Variants in EDN1 observed in about 807,000 individuals in gnomAD.
EDN1 encodes the protein endothelin-1.
A neutral mutation model predicts 21.7 loss-of-function variants in EDN1; 11 were observed. The observed-to-expected ratio is 0.51, with a 90% CI of 0.32 to 0.84. The LOEUF (loss-of-function observed/expected upper bound fraction) is 0.84, where lower values mean the gene tolerates loss of function less well. EDN1 is among the 40% of genes least tolerant of loss of function. The pLI is 0.03. For missense variants in EDN1, 244 were observed against 262.3 expected, an observed-to-expected ratio of 0.93 and a Z score of 0.48; for synonymous variants, 85 against 90.6, an observed-to-expected ratio of 0.94 and a Z score of 0.35.
At chr6:12,252,567 C>T in the EDN1 span, among the ~76,000 whole-genome samples, 1 of 152,176 alleles carries the variant, frequency 6.6e-6, no homozygotes, top group Non-Finnish European at 1.5e-5. Flanking sequence ...GGTGAAGCAT[C>T]CTGCATGTTC....
the EDN1 span, among the ~76,000 whole-genome samples, chr6:12,258,000 G>A: frequency 1.3e-5 from 2 of 152,132 alleles, no homozygotes; most frequent in East Asian, 3.9e-4. Flanking sequence ...TGACATATTT[G>A]CACATGAGGA....
At chr6:12,232,525 G>A in the EDN1 span, among the ~76,000 whole-genome samples, 1 of 152,076 alleles carries the variant, frequency 6.6e-6, no homozygotes, top group Admixed American at 6.6e-5. Flanking sequence ...GTGGAATGTA[G>A]CAATCTTGTA....
the EDN1 span, among the ~76,000 whole-genome samples, chr6:12,251,776 A>T: frequency 6.6e-6 from 1 of 152,144 alleles, no homozygotes; most frequent in African/African-American, 2.4e-5. Flanking sequence ...AAATTTGCAC[A>T]TGGGACCTAT....
At chr6:12,247,523 T>A in the EDN1 span, among the ~76,000 whole-genome samples, 2 of 138,606 alleles carry the variant, frequency 1.4e-5, no homozygotes, top group African/African-American at 6.0e-5. Flanking sequence ...TTTCTTTTTT[T>A]TTTTCTTTCT....
chr6:12,236,770 T>TA, the EDN1 span, among the ~76,000 whole-genome samples: 1 of 148,948 alleles, frequency 6.7e-6, no homozygotes, highest in South Asian at 2.1e-4. Context: ...CAATATTTCT[T>TA]TTTTTTTTTT....
At chr6:12,256,641 G>A in the EDN1 span, among the ~76,000 whole-genome samples, 4 of 152,098 alleles carry the variant, frequency 2.6e-5, no homozygotes, top group South Asian at 2.1e-4. Flanking sequence ...ATGAGCTCCC[G>A]CATGCACCAA....
chr6:12,271,505 C>T, the EDN1 span, among the ~76,000 whole-genome samples: 4 of 152,128 alleles, frequency 2.6e-5, no homozygotes, highest in Non-Finnish European at 5.9e-5. Context: ...GCTTAATTTA[C>T]ATCTTTTTAT....
chr6:12,265,870 C>A, the EDN1 span, among the ~76,000 whole-genome samples: 1 of 152,100 alleles, frequency 6.6e-6, no homozygotes, highest in Non-Finnish European at 1.5e-5. Flanking sequence ...GGAACAGAAA[C>A]AAAAGTATAC....
the EDN1 span, among the ~76,000 whole-genome samples, chr6:12,242,520 AC>A: frequency 7.4e-4 from 113 of 152,258 alleles, no homozygotes; most frequent in Non-Finnish European, 9.4e-4. Flanking sequence ...CTCTATATGG[AC>A]CTACCTTATA....
At chr6:12,292,794 A>C (rs1364355749) in intron 2 of EDN1, among the ~76,000 whole-genome samples, 1 of 152,194 alleles carries the variant, frequency 6.6e-6, no homozygotes, top group Admixed American at 6.5e-5. Flanking sequence ...AGAGGGCCTC[A>C]GGGGGACACT....
the EDN1 span, among the ~76,000 whole-genome samples, chr6:12,256,865 T>G: frequency 7.2e-5 from 11 of 152,366 alleles, no homozygotes; most frequent in Admixed American, 2.0e-4. Context: ...TAATGAACTT[T>G]ACTTAAGCTG....
the EDN1 span, among the ~76,000 whole-genome samples, chr6:12,265,748 A>T: frequency 1.0e-3 from 158 of 152,332 alleles, 2 homozygotes; most frequent in African/African-American, 3.5e-3. Flanking sequence ...TGTCTTAGTT[A>T]TATGTGTTGT....
chr6:12,269,891 TA>T, the EDN1 span, among the ~76,000 whole-genome samples: 23 of 151,986 alleles, frequency 1.5e-4, no homozygotes, highest in African/African-American at 4.3e-4. Context: ...GATGTTCATT[TA>T]AAAAAAATGT....
upstream of EDN1, among the ~76,000 whole-genome samples, chr6:12,286,227 T>A (rs1762557629): frequency 6.6e-6 from 1 of 152,246 alleles, no homozygotes. Context: ...ATGATTATCC[T>A]ATGGATGAGT....
At chr6:12,291,419 C>G (rs546858879) in intron 1 of EDN1, among the ~76,000 whole-genome samples, 1 of 152,142 alleles carries the variant, frequency 6.6e-6, no homozygotes, top group Non-Finnish European at 1.5e-5. Context: ...TTAGGCAGTG[C>G]GTGTGCATCT....
chr6:12,240,731 G>A, the EDN1 span, among the ~76,000 whole-genome samples: 4 of 152,158 alleles, frequency 2.6e-5, no homozygotes, highest in Non-Finnish European at 5.9e-5. Context: ...GTGGCCAAAG[G>A]GGAGACATAG....
At chr6:12,260,692 G>T in the EDN1 span, among the ~76,000 whole-genome samples, 6 of 151,880 alleles carry the variant, frequency 4.0e-5, no homozygotes, top group Non-Finnish European at 8.8e-5. Context: ...TTGCCCCCCT[G>T]TCCCTCTGGA....
the EDN1 span, among the ~76,000 whole-genome samples, chr6:12,274,939 CTCCTTCCTTCCTTCCT>C: frequency 7.4e-6 from 1 of 135,342 alleles, no homozygotes; most frequent in Non-Finnish European, 1.6e-5. Flanking sequence ...TTTCTTCCTT[CTCCTTCCTTCCTTCCT>C]TCCTTCCTTC....
the EDN1 span, among the ~76,000 whole-genome samples, chr6:12,282,767 TA>T: frequency 6.6e-6 from 1 of 152,166 alleles, no homozygotes; most frequent in South Asian, 2.1e-4. Flanking sequence ...ACCAACATAA[TA>T]AAGTCATAAT....
Sources: gnomAD v4.1 joint callset for allele counts (sites outside exome capture counted in the v4.1 genomes callset) on GRCh38, gnomAD v4.1.1 for gene constraint, MANE v1.5 for transcripts, NCBI Gene and HGNC (gene_info 2026-07-23, HGNC 2026-07-21) for gene names.